Variants in TAFA2 observed in about 807,000 individuals in gnomAD.
TAFA2 encodes the protein TAFA chemokine like family member 2.
A neutral mutation model predicts 18.8 loss-of-function variants in TAFA2; 7 were observed. That is an observed-to-expected ratio of 0.37 (90% confidence interval 0.21 to 0.70). The LOEUF (loss-of-function observed/expected upper bound fraction) is 0.70, where lower values mean the gene tolerates loss of function less well. Among genes scored for constraint, TAFA2 ranks in the 30% least tolerant of loss-of-function variants. The pLI is 0.53. For missense variants in TAFA2, 122 were observed against 158.1 expected (o/e 0.77, Z 1.23); for synonymous variants, 60 against 54.2 (o/e 1.11, Z -0.47).
intron 1 of TAFA2, among the ~76,000 whole-genome samples, chr12:62,078,545 G>A (rs1384906054): frequency 2.0e-5 from 3 of 152,082 alleles, no homozygotes; most frequent in African/African-American, 7.2e-5. Context: ...CAGGGGTGTA[G>A]ATTTAACAGG....
chr12:61,940,790 G>T (rs1877970583), intron 1 of TAFA2, among the ~76,000 whole-genome samples: 1 of 152,146 alleles, frequency 6.6e-6, no homozygotes, highest in South Asian at 2.1e-4. Flanking sequence ...GAGGAAGAAG[G>T]AGTTAGGCAA....
intron 2 of TAFA2, among the ~76,000 whole-genome samples, chr12:61,831,504 T>C (rs1872719644): frequency 6.6e-6 from 1 of 152,056 alleles, no homozygotes; most frequent in African/African-American, 2.4e-5. Context: ...AATTTTCTTC[T>C]CCTTTACCCT....
intron 4 of TAFA2, among the ~76,000 whole-genome samples, chr12:61,724,795 G>A (rs867679289): frequency 0.11 from 8,702 of 82,496 alleles, 314 homozygotes; most frequent in East Asian, 0.19. Flanking sequence ...GTGTGTGTGT[G>A]TGTGTGTATA....
chr12:61,929,778 G>A (rs1051192801), intron 1 of TAFA2, among the ~76,000 whole-genome samples: 2 of 151,952 alleles, frequency 1.3e-5, no homozygotes, highest in African/African-American at 4.8e-5. Flanking sequence ...ATGATAGCCT[G>A]GATTAAGAAA....
intron 1 of TAFA2, among the ~76,000 whole-genome samples, chr12:62,220,977 G>A (rs2062758132): frequency 6.6e-6 from 1 of 152,028 alleles, no homozygotes; most frequent in African/African-American, 2.4e-5. Flanking sequence ...CATGGTAGCG[G>A]GCGCCTGTAG....
intron 1 of TAFA2, among the ~76,000 whole-genome samples, chr12:62,216,179 C>A (rs780031249): frequency 6.6e-6 from 1 of 152,206 alleles, no homozygotes; most frequent in Non-Finnish European, 1.5e-5. Flanking sequence ...TGGCCAAGTG[C>A]TATCCAATTG....
intron 4 of TAFA2, among the ~76,000 whole-genome samples, chr12:61,735,429 G>T (rs1868288838): frequency 6.6e-6 from 1 of 151,896 alleles, no homozygotes; most frequent in African/African-American, 2.4e-5. Context: ...ACATATTTAT[G>T]TGATACAGTG....
In TAFA2 at chr12:61,996,183, G is replaced by A. The variant is rs531094491; in HGVS notation, c.-1-128757C>T. Among the ~76,000 whole-genome samples, 71 of 152,182 alleles carry A rather than the reference G, an allele frequency of 4.7e-4. No homozygotes were observed. The South Asian group carries it at 0.015, about 31-fold the overall frequency. On this transcript the variant is annotated intron_variant, in intron 1 of 4. Transcript: ENST00000416284. ...ATTTATTCAACACTTGCTATATACA[G>A]TGCAAAGTACTGGAGATAATCAAAA...
intron 1 of TAFA2, among the ~76,000 whole-genome samples, chr12:61,977,221 CATT>C (rs1480375011): frequency 6.6e-6 from 1 of 152,034 alleles, no homozygotes; most frequent in African/African-American, 2.4e-5. Flanking sequence ...ACCTAAGTCT[CATT>C]AAACGGTAGA....
intron 1 of TAFA2, among the ~76,000 whole-genome samples, chr12:62,236,762 C>T (rs958550354): frequency 2.0e-5 from 3 of 152,208 alleles, no homozygotes; most frequent in African/African-American, 4.8e-5. Context: ...TTCCCTTGAC[C>T]GAATGTCATC....
At chr12:61,761,255 T>C (rs1869533719) in intron 2 of TAFA2, among the ~76,000 whole-genome samples, 1 of 152,036 alleles carries the variant, frequency 6.6e-6, no homozygotes, top group Non-Finnish European at 1.5e-5. Context: ...AAGAAACTTA[T>C]TCATAAAAAA....
At chr12:61,780,332 A>G (rs182212196) in intron 2 of TAFA2, among the ~76,000 whole-genome samples, 1 of 151,946 alleles carries the variant, frequency 6.6e-6, no homozygotes, top group Non-Finnish European at 1.5e-5. Flanking sequence ...CAGAGTAGAC[A>G]GCATGGAGGT....
chr12:62,083,905 A>G (rs1418698197), intron 1 of TAFA2, among the ~76,000 whole-genome samples: 1 of 152,102 alleles, frequency 6.6e-6, no homozygotes, highest in African/African-American at 2.4e-5. Context: ...AATTCTTCCC[A>G]CACTGCTGTT....
At chr12:61,721,222 G>C (rs1425762414) in intron 4 of TAFA2, among the ~76,000 whole-genome samples, 1 of 151,970 alleles carries the variant, frequency 6.6e-6, no homozygotes, top group African/African-American at 2.4e-5. Flanking sequence ...AGTATTTGGG[G>C]AGCATTCTGC....
At chr12:62,218,619 G>C (rs1379698052) in intron 1 of TAFA2, among the ~76,000 whole-genome samples, 3 of 152,140 alleles carry the variant, frequency 2.0e-5, no homozygotes, top group Non-Finnish European at 2.9e-5. Flanking sequence ...GTCAAGCACA[G>C]CTCTATATTT....
At chr12:61,948,113 T>C (rs1006417534) in intron 1 of TAFA2, among the ~76,000 whole-genome samples, 2 of 152,216 alleles carry the variant, frequency 1.3e-5, no homozygotes, top group East Asian at 3.9e-4. Flanking sequence ...CAAGAAACTT[T>C]TGCTGTTACA....
chr12:61,715,027 T>C (rs1206256412), intron 4 of TAFA2, among the ~76,000 whole-genome samples: 2 of 152,218 alleles, frequency 1.3e-5, no homozygotes, highest in African/African-American at 4.8e-5. Flanking sequence ...TAATACGCTA[T>C]TGTGATTAAA....
chr12:61,887,120 T>C (rs1875418222), intron 1 of TAFA2, among the ~76,000 whole-genome samples: 1 of 152,188 alleles, frequency 6.6e-6, no homozygotes, highest in Admixed American at 6.5e-5. Context: ...TAAAAAATAA[T>C]AAGAATCACA....
Position 61,821,026 on chromosome 12 carries a change from T to C in TAFA2, c.106+46294A>G, listed in dbSNP as rs558259850. Among the ~76,000 whole-genome samples the C allele has an allele frequency of 1.4e-3, 208 of 152,034 alleles. 5 individuals are homozygous for C. Among genetic ancestry groups the C allele is most frequent in the African/African-American group, 4.8e-3 (201 of 41,532 alleles). On this transcript the variant is annotated intron_variant, in intron 2 of 4. Coordinates refer to ENST00000416284, the MANE Select transcript of TAFA2 (RefSeq NM_178539.5). Reference sequence around the variant, plus strand: ...ATTGTTGGTGGGAGTGGAAGCTTTTTTTCTTGTTTGCACACATTAGGCATT... The same window carrying C: ...ATTGTTGGTGGGAGTGGAAGCTTTTCTTCTTGTTTGCACACATTAGGCATT...
Sources: allele counts gnomAD v4.1 joint callset (sites outside exome capture counted in the v4.1 genomes callset), GRCh38; gene constraint gnomAD v4.1.1; transcripts MANE v1.5; gene names NCBI Gene and HGNC (gene_info 2026-07-23, HGNC 2026-07-21).